COL4A2: variants seen among roughly 807,000 people sequenced by gnomAD.
COL4A2 encodes the protein collagen type IV alpha 2 chain.
A neutral mutation model predicts 200.2 loss-of-function variants in COL4A2; 99 were observed. The ratio of observed to expected loss-of-function variants is 0.49; its 90% CI spans 0.42 to 0.58. The LOEUF (loss-of-function observed/expected upper bound fraction) is 0.58. COL4A2 is among the 20% of genes least tolerant of loss of function. The pLI is 0.00. For synonymous variants in COL4A2, 897 were observed against 900.6 expected, an observed-to-expected ratio of 1.00 and a Z score of 0.07; for missense variants, 1,950 against 2,314.1, an observed-to-expected ratio of 0.84 and a Z score of 3.23.
At chr13:110,503,354 G>T in intron 42 of COL4A2, 29 bp from the exon 43 acceptor site, 1 of 1,588,456 alleles carries the variant, frequency 6.3e-7, no homozygotes, top group Admixed American at 1.8e-5. Flanking sequence ...ACAGACTTTC[G>T]TGTCCCTAAC....
intron 3 of COL4A2, among the ~76,000 whole-genome samples, chr13:110,351,428 C>A (rs2139381424): frequency 6.6e-6 from 1 of 152,312 alleles, no homozygotes; most frequent in Non-Finnish European, 1.5e-5. Flanking sequence ...TCCTCCCTTG[C>A]CGGCGTGGGT....
At chr13:110,430,170 A>G in intron 8 of COL4A2, 1 of 669,654 alleles carries the variant, frequency 1.5e-6, no homozygotes, top group South Asian at 3.9e-5. Context: ...TATTCACAAT[A>G]CTCCAAGCCA....
At chr13:110,481,562 A>G (rs113779720) in intron 31 of COL4A2, among the ~76,000 whole-genome samples, 1,646 of 65,568 alleles carry the variant, frequency 0.025, 4 homozygotes, top group African/African-American at 0.029. Flanking sequence ...CTGTCCTTCC[A>G]TTGCTGGAGA....
chr13:110,313,210 C>T (rs1003724613), intron 3 of COL4A2, among the ~76,000 whole-genome samples: 3 of 152,190 alleles, frequency 2.0e-5, no homozygotes, highest in Non-Finnish European at 2.9e-5. Flanking sequence ...TCCCCTCTTG[C>T]TGTTTCCCTC....
At chr13:110,491,781 C>T (rs1195676753) in intron 37 of COL4A2, among the ~76,000 whole-genome samples, 1 of 152,210 alleles carries the variant, frequency 6.6e-6, no homozygotes, top group African/African-American at 2.4e-5. Context: ...TCTCCAGGCA[C>T]TGCCTCAGGG....
rs184369602 is a variant in COL4A2 at position 110,433,227 on chromosome 13, G to A, written c.684+867G>A. On this transcript the variant is annotated intron_variant, in intron 11 of 47. Coordinates refer to ENST00000360467, the MANE Select transcript of COL4A2 (RefSeq NM_001846.4). ...GTTGGCTGGAGGGCTTGCGCTGGAC[G>A]CCCCACCGCCTGGCAGCCTGGAGCA... 3.7e-3 allele frequency among the ~76,000 whole-genome samples: 562 copies of A among 152,352 alleles called. 2 individuals carry two copies. Among genetic ancestry groups the A allele is most frequent in the African/African-American group, 0.013 (536 of 41,586 alleles).
intron 3 of COL4A2, among the ~76,000 whole-genome samples, chr13:110,343,228 T>C (rs547919676): frequency 6.6e-6 from 1 of 152,230 alleles, no homozygotes; most frequent in South Asian, 2.1e-4. Flanking sequence ...AAATCCACTG[T>C]TGAAATATCC....
intron 45 of COL4A2, 50 bp downstream of exon 45, chr13:110,504,314 G>A (rs1488918672): frequency 1.4e-6 from 2 of 1,467,052 alleles, no homozygotes; most frequent in African/African-American, 2.8e-5. Context: ...CTCTGGATCT[G>A]ACTCACAGAC....
chr13:110,317,949 G>A (rs1255220533), intron 3 of COL4A2, among the ~76,000 whole-genome samples: 2 of 152,186 alleles, frequency 1.3e-5, no homozygotes, highest in Non-Finnish European at 2.9e-5. Context: ...CTGGACCAAT[G>A]CCAGCTTCCT....
chr13:110,403,321 C>T (rs1879443456), intron 4 of COL4A2, among the ~76,000 whole-genome samples: 1 of 152,210 alleles, frequency 6.6e-6, no homozygotes, highest in South Asian at 2.1e-4. Flanking sequence ...TTACTATAGG[C>T]AGTCAAGAAA....
chr13:110,424,004 G>A (rs1475257724), intron 4 of COL4A2, among the ~76,000 whole-genome samples: 1 of 152,120 alleles, frequency 6.6e-6, no homozygotes, highest in Non-Finnish European at 1.5e-5. Context: ...ACGCTGCTGT[G>A]CGTGTAAGTG....
At chr13:110,468,511 C>T (rs1882342286) in intron 27 of COL4A2, among the ~76,000 whole-genome samples, 1 of 152,230 alleles carries the variant, frequency 6.6e-6, no homozygotes, top group Middle Eastern at 3.4e-3. Context: ...TCTGAGGCTC[C>T]GGGGCTCCCC....
Position 110,500,094 on chromosome 13 carries a change from G to A in COL4A2, c.3761-1574G>A, listed in dbSNP as rs772347404. 7.2e-5 allele frequency among the ~76,000 whole-genome samples: 11 copies of A among 152,298 alleles called. No individual in the cohort carries two copies. In the South Asian group the frequency reaches 2.1e-3, roughly 29 times the overall value. On this transcript the variant is annotated intron_variant, in intron 40 of 47. Coordinates refer to ENST00000360467, the MANE Select transcript of COL4A2 (RefSeq NM_001846.4). ...TTTGTTTTGTCCTACTTGGAAGCAC[G>A]CATGAATGGAATCCTTTCCCCTGGG...
At chr13:110,326,722 G>A (rs1196681669) in intron 3 of COL4A2, among the ~76,000 whole-genome samples, 1 of 152,098 alleles carries the variant, frequency 6.6e-6, no homozygotes, top group Non-Finnish European at 1.5e-5. Flanking sequence ...CTGGTCTGCT[G>A]GGAGGTGCCC....
chr13:110,337,690 C>T (rs1274602825), intron 3 of COL4A2, among the ~76,000 whole-genome samples: 3 of 152,188 alleles, frequency 2.0e-5, no homozygotes, highest in Non-Finnish European at 4.4e-5. Context: ...CCGCAAGCAG[C>T]CCTCTGACAC....
rs1032924854 is a variant in COL4A2 at position 110,411,738 on chromosome 13, A to C, written c.181-12996A>C. On this transcript the variant is annotated intron_variant, in intron 4 of 47. Coordinates refer to ENST00000360467, the MANE Select transcript of COL4A2 (RefSeq NM_001846.4). The stretch of plus-strand genomic sequence containing the variant: ...GCTTAATTATCGCTTCAGGAAGATC[A>C]GTGGAAAAGATGTATTCAGAGTCCA... Among the ~76,000 whole-genome samples the C allele has an allele frequency of 2.6e-5, 4 of 152,236 alleles. No homozygotes were observed. The East Asian group carries it at 7.7e-4, about 29-fold the overall frequency.
intron 24 of COL4A2, 53 bp from the exon 25 acceptor site, chr13:110,465,352 G>A (rs1882194876): frequency 6.5e-7 from 1 of 1,534,984 alleles, no homozygotes; most frequent in Admixed American, 2.1e-5. Context: ...GGAAGTCGAG[G>A]CGATCTTTAA....
chr13:110,407,350 G>T (rs1033400872), intron 4 of COL4A2, among the ~76,000 whole-genome samples: 6 of 152,214 alleles, frequency 3.9e-5, no homozygotes, highest in African/African-American at 1.4e-4. Flanking sequence ...CCAGTGTAGC[G>T]AGGAGAGCGT....
chr13:110,428,591 T>G lies in COL4A2; in HGVS notation c.477+8T>G. ...GGGTTCACCGGGCCTCCCGTGAGTA[T>G]CCCCACAGCGCCTGTGCTCCAGGGA... On this transcript the variant is annotated splice_region_variant and intron_variant, in intron 7 of 47. Coordinates refer to ENST00000360467, the MANE Select transcript of COL4A2 (RefSeq NM_001846.4). 1.1e-4 allele frequency: 157 copies of G among 1,477,358 alleles called. No individual in the cohort carries two copies. The highest frequency in any genetic ancestry group is 3.5e-4 in the Middle Eastern group (2 of 5,640). 91.5% of individuals were successfully genotyped at this position (1,477,358 alleles called of 1,614,324 possible).
Sources: gnomAD v4.1 joint callset for allele counts (sites outside exome capture counted in the v4.1 genomes callset) on GRCh38, gnomAD v4.1.1 for gene constraint, MANE v1.5 for transcripts, NCBI Gene and HGNC (gene_info 2026-07-23, HGNC 2026-07-21) for gene names.